Variants in VPS13C observed in about 807,000 individuals in gnomAD.
VPS13C encodes the protein vacuolar protein sorting 13 homolog C, also known as intermembrane lipid transfer protein VPS13C.
In VPS13C, 358 loss-of-function variants were observed where a neutral mutation model predicts 456.8. The observed-to-expected ratio is 0.78, with a 90% CI of 0.72 to 0.86. VPS13C has a LOEUF of 0.86. VPS13C is among the 40% of genes least tolerant of loss of function. VPS13C has a pLI of 0.00. For synonymous variants in VPS13C, 1,578 were observed against 1,486.7 expected (o/e 1.06, Z -1.41); for missense variants, 4,818 against 4,385.4 (o/e 1.10, Z -2.79).
chr15:62,007,166 T>C (rs1415368141), intron 15 of VPS13C, 142 bp downstream of exon 15: 1 of 753,374 alleles, frequency 1.3e-6, no homozygotes, highest in Non-Finnish European at 1.8e-6. Flanking sequence ...AAAAAAATTC[T>C]GCATTTTCCC....
chr15:61,935,087 T>A (rs17303968), intron 48 of VPS13C, among the ~76,000 whole-genome samples: 82,329 of 151,986 alleles, frequency 0.54, 22,515 homozygotes, highest in Admixed American at 0.63. Flanking sequence ...CCAATCCATT[T>A]TCTTTATCAG....
At chr15:62,045,354 C>T (rs1463232216) in intron 1 of VPS13C, among the ~76,000 whole-genome samples, 4 of 151,928 alleles carry the variant, frequency 2.6e-5, no homozygotes, top group Non-Finnish European at 4.4e-5. Context: ...CCAATAGAAG[C>T]GTACACAAGA....
chr15:61,927,194 A>G lies in VPS13C; in HGVS notation c.6413T>C (p.Leu2138Pro). ...CATCTGTTCGAGTTTGGATGTTGAC[A>G]GAGAAAGGTTGCACTGAAACGAGGC... ...LTASFQCNLS[L>P]STSKLEQMME... The change falls in exon 52 of 85, where the codon CTG (leucine) becomes CCG (proline). Residue 2138 changes from leucine to proline, a missense_variant. Around this residue, in one of 3 missense-constraint regions of VPS13C, gnomAD observed 4,552 missense variants for 4,130.6 expected, o/e 1.10. Coordinates refer to ENST00000644861, the MANE Select transcript of VPS13C (RefSeq NM_020821.3). The G allele has an allele frequency of 6.2e-7, 1 of 1,614,172 alleles. No homozygotes were observed. The highest frequency in any genetic ancestry group is 8.5e-7 in the Non-Finnish European group (1 of 1,180,018).
At chr15:62,045,078 T>C (rs2048359063) in intron 1 of VPS13C, among the ~76,000 whole-genome samples, 1 of 152,110 alleles carries the variant, frequency 6.6e-6, no homozygotes, top group Admixed American at 6.5e-5. Flanking sequence ...TATTTTTGAG[T>C]GAATTTAAAA....
intron 9 of VPS13C, among the ~76,000 whole-genome samples, chr15:62,018,189 G>C (rs1358711432): frequency 6.6e-6 from 1 of 152,186 alleles, no homozygotes; most frequent in Non-Finnish European, 1.5e-5. Flanking sequence ...ATTTGGGGCT[G>C]AGACGATGGG....
intron 82 of VPS13C, among the ~76,000 whole-genome samples, chr15:61,862,420 A>T (rs954741928): frequency 6.6e-6 from 1 of 152,168 alleles, no homozygotes; most frequent in Non-Finnish European, 1.5e-5. Flanking sequence ...ACTAAGTATT[A>T]CCAATAAGTA....
intron 22 of VPS13C, among the ~76,000 whole-genome samples, chr15:61,981,097 G>C (rs1457171877): frequency 6.6e-6 from 1 of 152,108 alleles, no homozygotes. Context: ...TTCTAATTAG[G>C]AAAAGGCAGA....
At chr15:61,970,100 G>A (rs1397192299) in intron 27 of VPS13C, among the ~76,000 whole-genome samples, 2 of 152,168 alleles carry the variant, frequency 1.3e-5, no homozygotes, top group African/African-American at 4.8e-5. Flanking sequence ...CAGCCACCAT[G>A]TAAAAAGTTC....
At chr15:62,044,099 T>G (rs1422244826) in intron 2 of VPS13C, 113 bp downstream of exon 2, 1 of 684,146 alleles carries the variant, frequency 1.5e-6, no homozygotes, top group Admixed American at 3.8e-5. Context: ...AAGTAATCCC[T>G]TGAGTGATTC....
At chr15:61,894,333 AC>A (rs1161046046) in intron 66 of VPS13C, among the ~76,000 whole-genome samples, 2 of 151,214 alleles carry the variant, frequency 1.3e-5, no homozygotes, top group African/African-American at 4.9e-5. Flanking sequence ...AAAAAAAAAA[AC>A]CCCAGAAATC....
At chr15:61,966,967 A>G (rs2045394917) in intron 29 of VPS13C, among the ~76,000 whole-genome samples, 1 of 152,000 alleles carries the variant, frequency 6.6e-6, no homozygotes. Flanking sequence ...AGTGTTTCTC[A>G]TACGAAATAT....
intron 6 of VPS13C, among the ~76,000 whole-genome samples, chr15:62,027,108 T>G (rs12442448): frequency 0.44 from 66,980 of 151,830 alleles, 16,112 homozygotes; most frequent in Admixed American, 0.57. Context: ...ACTCAGAAAC[T>G]GAAAAGAGGA....
chr15:61,950,126 G>A (rs1021722373), intron 41 of VPS13C, among the ~76,000 whole-genome samples: 1 of 152,110 alleles, frequency 6.6e-6, no homozygotes, highest in Admixed American at 6.6e-5. Flanking sequence ...TCACATACTT[G>A]TCAAGAAATC....
chr15:61,869,774 G>C (rs572253326), intron 79 of VPS13C, 151 bp from the exon 80 acceptor site: 1 of 1,352,718 alleles, frequency 7.4e-7, no homozygotes, highest in African/African-American at 1.5e-5. Flanking sequence ...ATCCTAATGT[G>C]ATAAAATAGT....
Position 61,962,555 on chromosome 15 carries a change from T to A in VPS13C, c.3436-17A>T. On this transcript the variant is annotated splice_polypyrimidine_tract_variant and intron_variant, in intron 33 of 84. Coordinates refer to ENST00000644861, the MANE Select transcript of VPS13C (RefSeq NM_020821.3). ...TGACACAGCCTGAAAAACAGAGACT[T>A]GAATGTACTCTATCCGGGAAGGTAA... 2 of 1,603,836 alleles carry A rather than the reference T, an allele frequency of 1.2e-6. No homozygotes were observed. The highest frequency in any genetic ancestry group is 1.7e-5 in the Admixed American group (1 of 59,656).
chr15:61,967,326 T>G, intron 29 of VPS13C, 42 bp downstream of exon 29: 5 of 1,508,738 alleles, frequency 3.3e-6, no homozygotes, highest in Non-Finnish European at 4.6e-6. Context: ...GAGAAATAGT[T>G]TGGAGTAAAC....
Position 61,991,017 on chromosome 15 carries a change from G to A in VPS13C, c.1561C>T (p.Leu521=), listed in dbSNP as rs1295100725. The A allele has an allele frequency of 1.2e-6, 2 of 1,612,240 alleles. No individual in the cohort carries two copies. The highest frequency in any genetic ancestry group is 1.7e-6 in the Non-Finnish European group (2 of 1,179,144). ...AIGYSESTHN[L]TLPKQYVAHI... ...ATAATTACCTGCTTAGGTAAAGTTA[G>A]GTTGTGGGTACTCTCACTATAACCA... Residue 521 remains leucine, a synonymous_variant, in exon 18 of 85, where the codon CTA becomes TTA. Transcript: ENST00000644861.
At chr15:61,966,192 T>TA (rs769508337) in intron 29 of VPS13C, 50 bp from the exon 30 acceptor site, 1 of 1,298,330 alleles carries the variant, frequency 7.7e-7, no homozygotes, top group Non-Finnish European at 1.1e-6. Context: ...TCGAAGTAAA[T>TA]AAATCACTTA....
chr15:61,880,774 A>G, intron 72 of VPS13C, 52 bp from the exon 73 acceptor site: 1 of 1,543,846 alleles, frequency 6.5e-7, no homozygotes, highest in South Asian at 1.2e-5. Context: ...CTCTATTAGA[A>G]TTCGTTCAAA....
Sources: allele counts gnomAD v4.1 joint callset (sites outside exome capture counted in the v4.1 genomes callset), GRCh38; gene constraint gnomAD v4.1.1; regional missense constraint gnomAD v4.1.1; transcripts MANE v1.5; gene names NCBI Gene and HGNC (gene_info 2026-07-23, HGNC 2026-07-21).